Variants in AK9 observed in about 807,000 individuals in gnomAD.
AK9 encodes adenylate kinase 9.
Under a neutral mutation model 239.6 loss-of-function variants are expected in AK9, and 191 were observed. The ratio of observed to expected loss-of-function variants is 0.80; its 90% confidence interval spans 0.71 to 0.90. The LOEUF is 0.90. Among genes scored for constraint, AK9 ranks in the 40% least tolerant of loss-of-function variants. The probability of loss-of-function intolerance (pLI) is 0.00; values close to 1 mark genes in which losing one functional copy is unlikely to be tolerated. For missense variants in AK9, 1,995 were observed against 2,214.7 expected, an observed-to-expected ratio of 0.90 and a Z score of 1.99; for synonymous variants, 689 against 721.0, an observed-to-expected ratio of 0.96 and a Z score of 0.71.
intron 9 of AK9, among the ~76,000 whole-genome samples, chr6:109,643,613 T>C (rs1797707292): frequency 6.6e-6 from 1 of 152,238 alleles, no homozygotes; most frequent in Non-Finnish European, 1.5e-5. Context: ...CTGTACTTTC[T>C]GGCTTAAAAC....
intron 19 of AK9, among the ~76,000 whole-genome samples, chr6:109,582,143 G>C (rs1788937331): frequency 6.6e-6 from 1 of 152,130 alleles, no homozygotes; most frequent in South Asian, 2.1e-4. Context: ...TCACCCAAGA[G>C]CTCTGATGAA....
intron 17 of AK9, among the ~76,000 whole-genome samples, chr6:109,588,717 C>CTT (rs1287618466): frequency 6.6e-6 from 1 of 152,044 alleles, no homozygotes; most frequent in African/African-American, 2.4e-5. Flanking sequence ...AGTCTGAGGT[C>CTT]TTACATTTAA....
rs1008631644 is a variant in AK9 at position 109,509,391 on chromosome 6, T to A, written c.4280-11A>T. The A allele has an allele frequency of 3.9e-6, 6 of 1,540,706 alleles. No homozygotes were observed. In the South Asian group the frequency reaches 6.0e-5, roughly 15 times the overall value. On this transcript the variant is annotated splice_polypyrimidine_tract_variant and intron_variant, in intron 32 of 40. Coordinates refer to ENST00000424296, the MANE Select transcript of AK9 (RefSeq NM_001145128.3). ...TAATTTTTTTGGCAACTGAAAAACA[T>A]AAAACTTTTAAATTAAATTAAATGA...
At chr6:109,618,947 A>C in intron 13 of AK9, 145 bp downstream of exon 13, 1 of 879,102 alleles carries the variant, frequency 1.1e-6, no homozygotes, top group Non-Finnish European at 1.6e-6. Context: ...GTTTATGTAC[A>C]TCCATTCTTC....
At chr6:109,653,084 G>C (rs553794681) in intron 8 of AK9, among the ~76,000 whole-genome samples, 3 of 152,226 alleles carry the variant, frequency 2.0e-5, no homozygotes, top group South Asian at 2.1e-4. Flanking sequence ...CTGCCACCAT[G>C]CCTGGCTGAT....
intron 8 of AK9, among the ~76,000 whole-genome samples, chr6:109,645,807 G>A (rs1034954807): frequency 6.6e-6 from 1 of 152,208 alleles, no homozygotes; most frequent in East Asian, 1.9e-4. Context: ...CCTCCCAGTA[G>A]GGGCTCACTG....
At chr6:109,546,715 G>A (rs1180362429) in intron 25 of AK9, among the ~76,000 whole-genome samples, 1 of 152,174 alleles carries the variant, frequency 6.6e-6, no homozygotes. Context: ...AAGCCTCAAA[G>A]GGGCTGGAGT....
chr6:109,515,617 A>G (rs1453954663), intron 31 of AK9, among the ~76,000 whole-genome samples: 1 of 152,168 alleles, frequency 6.6e-6, no homozygotes, highest in Non-Finnish European at 1.5e-5. Context: ...AATGCTAGAG[A>G]TAAGGAGAAA....
At chr6:109,687,951 T>C (rs562513628) in intron 1 of AK9, among the ~76,000 whole-genome samples, 3 of 152,312 alleles carry the variant, frequency 2.0e-5, no homozygotes, top group African/African-American at 7.2e-5. Context: ...ATTTATCCAG[T>C]AGACATGAGC....
At chr6:109,495,473 A>C in intron 38 of AK9, 33 bp from the exon 39 acceptor site, 1 of 1,500,476 alleles carries the variant, frequency 6.7e-7, no homozygotes, top group Non-Finnish European at 9.3e-7. Context: ...ATGGATGCTC[A>C]CAGTTATACT....
chr6:109,623,862 GACAC>G (rs567410173), intron 12 of AK9, among the ~76,000 whole-genome samples: 5,881 of 136,102 alleles, frequency 0.043, 147 homozygotes, highest in East Asian at 0.061. Context: ...AGGAATCTTA[GACAC>G]ACACACACAC....
chr6:109,662,521 C>T (rs761986936), intron 6 of AK9, 30 bp downstream of exon 6: 1 of 1,451,382 alleles, frequency 6.9e-7, no homozygotes, highest in Non-Finnish European at 9.2e-7. Context: ...GAATGGTTTA[C>T]TCTACTAGCA....
chr6:109,689,409 T>C (rs908013044), intron 1 of AK9, among the ~76,000 whole-genome samples: 1 of 152,176 alleles, frequency 6.6e-6, no homozygotes, highest in Non-Finnish European at 1.5e-5. Flanking sequence ...ATGTGCGACT[T>C]TTTGCCTAAG....
intron 2 of AK9, 38 bp from the exon 3 acceptor site, chr6:109,674,299 A>T: frequency 9.2e-6 from 13 of 1,420,566 alleles, no homozygotes; most frequent in African/African-American, 2.9e-5. Flanking sequence ...CCAATAGAAC[A>T]GTTACTTGCC....
intron 35 of AK9, among the ~76,000 whole-genome samples, chr6:109,503,012 T>C (rs904929912): frequency 2.0e-5 from 3 of 151,838 alleles, no homozygotes; most frequent in African/African-American, 7.3e-5. Context: ...TTGCTAAGTT[T>C]TGGACTAATT....
chr6:109,666,477 C>T (rs1302649958), intron 5 of AK9, among the ~76,000 whole-genome samples: 2 of 152,182 alleles, frequency 1.3e-5, no homozygotes, highest in African/African-American at 4.8e-5. Context: ...GCACCCCAAG[C>T]CAGTCCTTGC....
intron 35 of AK9, among the ~76,000 whole-genome samples, chr6:109,500,471 T>C (rs1051691102): frequency 1.3e-5 from 2 of 152,160 alleles, no homozygotes; most frequent in Non-Finnish European, 2.9e-5. Context: ...TTATAATGAG[T>C]GGACTTATTA....
chr6:109,571,576 C>T (rs1196794519), intron 21 of AK9, among the ~76,000 whole-genome samples: 1 of 152,038 alleles, frequency 6.6e-6, no homozygotes, highest in Non-Finnish European at 1.5e-5. Context: ...ATGATGATTT[C>T]CCCCATCTTT....
At chr6:109,621,880 C>A (rs985588564) in intron 12 of AK9, among the ~76,000 whole-genome samples, 5 of 74,706 alleles carry the variant, frequency 6.7e-5, no homozygotes, top group South Asian at 4.4e-4. Flanking sequence ...TACCCTAAAA[C>A]TTAAAGTATA....
Sources: allele counts gnomAD v4.1 joint callset (sites outside exome capture counted in the v4.1 genomes callset), GRCh38; gene constraint gnomAD v4.1.1; transcripts MANE v1.5; gene names NCBI Gene and HGNC (gene_info 2026-07-23, HGNC 2026-07-21).